ZNF609: variants seen among roughly 807,000 people sequenced by gnomAD.
The protein encoded by ZNF609 is zinc finger protein 609.
Under a neutral mutation model 109.5 loss-of-function variants are expected in ZNF609, and 11 were observed. The observed-to-expected ratio is 0.10, with a 90% CI of 0.06 to 0.17. The LOEUF is 0.17. ZNF609 is among the 10% of genes least tolerant of loss of function. The pLI, the probability that ZNF609 is intolerant of heterozygous loss-of-function variation, is 1.00. For missense variants in ZNF609, 1,559 were observed against 1,772.4 expected, an observed-to-expected ratio of 0.88 and a Z score of 2.16; for synonymous variants, 646 against 662.0, an observed-to-expected ratio of 0.98 and a Z score of 0.37.
Position 64,586,631 on chromosome 15 carries a change from G to A in ZNF609, c.748-36196G>A, listed in dbSNP as rs190254437. The stretch of plus-strand genomic sequence containing the variant: ...TCTGAGGTGGAACAGTTATAGCCCT[G>A]AACCATCCCCCGTCCCGCCAACCCC... On this transcript the variant is annotated intron_variant, in intron 2 of 9. Coordinates refer to ENST00000326648, the MANE Select transcript of ZNF609 (RefSeq NM_015042.2). Among the ~76,000 whole-genome samples the A allele has an allele frequency of 8.6e-4, 131 of 152,170 alleles. 1 individual carries two copies. The highest frequency in any genetic ancestry group is 3.0e-3 in the African/African-American group (123 of 41,534).
intron 1 of ZNF609, among the ~76,000 whole-genome samples, chr15:64,491,588 C>G (rs1201023076): frequency 1.1e-4 from 16 of 152,170 alleles, no homozygotes; most frequent in Non-Finnish European, 2.9e-5. Context: ...GTGGCTCACG[C>G]CTGTAATCCC....
intron 2 of ZNF609, among the ~76,000 whole-genome samples, chr15:64,599,096 T>C (rs992583030): frequency 1.3e-5 from 2 of 149,542 alleles, no homozygotes; most frequent in Non-Finnish European, 3.0e-5. Flanking sequence ...TTTCCCATAA[T>C]GTACTTCCAG....
intron 2 of ZNF609, among the ~76,000 whole-genome samples, chr15:64,535,652 TG>T (rs1894130953): frequency 6.6e-6 from 1 of 152,158 alleles, no homozygotes; most frequent in Non-Finnish European, 1.5e-5. Context: ...TGCCCAAGAG[TG>T]CAGTTGCTGG....
intron 3 of ZNF609, among the ~76,000 whole-genome samples, chr15:64,657,685 G>A (rs1482370133): frequency 6.6e-6 from 1 of 152,210 alleles, no homozygotes; most frequent in African/African-American, 2.4e-5. Context: ...GAGATAAAGG[G>A]TGGAGTTAGG....
chr15:64,587,859 C>T (rs907663007), intron 2 of ZNF609, among the ~76,000 whole-genome samples: 2 of 151,964 alleles, frequency 1.3e-5, no homozygotes, highest in East Asian at 3.9e-4. Context: ...AGCAGAGTCT[C>T]TAAAGAAGTT....
In ZNF609 at chr15:64,667,478, G is replaced by A. The variant is rs149282877; in HGVS notation, c.974-2868G>A. On this transcript the variant is annotated intron_variant, in intron 3 of 9. Coordinates refer to ENST00000326648, the MANE Select transcript of ZNF609 (RefSeq NM_015042.2). ...AATCCCAACACTTTGGGAGTCTGAGGTGGGCAGATCACCTGAGGTCGGGAG... is the reference window on the plus strand; with the variant it reads ...AATCCCAACACTTTGGGAGTCTGAGATGGGCAGATCACCTGAGGTCGGGAG... Among the ~76,000 whole-genome samples, 706 of 152,250 alleles carry A rather than the reference G, an allele frequency of 4.6e-3. 3 individuals carry two copies. Among genetic ancestry groups the A allele is most frequent in the Middle Eastern group, 0.017 (5 of 294 alleles).
At chr15:64,523,654 T>C (rs1359299579) in intron 2 of ZNF609, among the ~76,000 whole-genome samples, 1 of 151,864 alleles carries the variant, frequency 6.6e-6, no homozygotes, top group African/African-American at 2.4e-5. Context: ...TCCCAGCTAC[T>C]TGGGAAGCTG....
chr15:64,674,105 A>G lies in ZNF609; in HGVS notation c.1251A>G (p.Ser417=). Residue 417 remains serine (S), a synonymous_variant, in exon 5 of 10, where the codon TCA becomes TCG. Transcript: ENST00000326648. ...SKGRRGSQNS[S]EHRPPASSTS... is the part of the protein sequence containing the mutation. The stretch of plus-strand genomic sequence containing the variant: ...GCCGTCGGGGCAGCCAGAATTCTTC[A>G]GAGCACCGCCCACCTGCCAGCAGCA... The G allele has an allele frequency of 6.2e-7, 1 of 1,614,218 alleles. No homozygotes were observed. Among genetic ancestry groups the G allele is most frequent in the South Asian group, 1.1e-5 (1 of 91,080 alleles).
intron 2 of ZNF609, among the ~76,000 whole-genome samples, chr15:64,594,256 A>G (rs1184973264): frequency 2.0e-5 from 3 of 152,098 alleles, no homozygotes; most frequent in Non-Finnish European, 4.4e-5. Flanking sequence ...CTACATATGC[A>G]CTATGTTTTG....
rs11413947 is a variant in ZNF609 at position 64,510,205 on chromosome 15, CT to C, written c.747+10054del. On this transcript the variant is annotated intron_variant, in intron 2 of 9. Transcript: ENST00000326648. ...CAACACATTGTTATAATTTTTTTTT[CT>C]TTTTTTTTTTTTTTAACAGACAGGG... Among the ~76,000 whole-genome samples the C allele has an allele frequency of 1.4e-3, 191 of 137,876 alleles. 2 individuals are homozygous for C. Among genetic ancestry groups the C allele is most frequent in the African/African-American group, 2.6e-3 (95 of 36,622 alleles). 90.5% of individuals were successfully genotyped at this position (137,876 alleles called of 152,430 possible).
At chr15:64,622,780 A>C (rs1211804548) in intron 2 of ZNF609, 47 bp from the exon 3 acceptor site, 1 of 1,511,550 alleles carries the variant, frequency 6.6e-7, no homozygotes, top group Admixed American at 1.7e-5. Flanking sequence ...TATTTCCTCT[A>C]AATGTTCTCC....
At chr15:64,672,105 C>T (rs1295003599) in intron 4 of ZNF609, among the ~76,000 whole-genome samples, 7 of 149,540 alleles carry the variant, frequency 4.7e-5, no homozygotes, top group Non-Finnish European at 8.9e-5. Context: ...CTCCACCTCC[C>T]GGGTTCACGC....
At chr15:64,492,225 A>G (rs1893423696) in intron 1 of ZNF609, among the ~76,000 whole-genome samples, 1 of 152,198 alleles carries the variant, frequency 6.6e-6, no homozygotes, top group South Asian at 2.1e-4. Context: ...CCTGGGTGAC[A>G]GAGTGAGACT....
chr15:64,592,782 C>T (rs1039464397), intron 2 of ZNF609, among the ~76,000 whole-genome samples: 2 of 147,208 alleles, frequency 1.4e-5, no homozygotes, highest in Non-Finnish European at 3.0e-5. Flanking sequence ...AAAATTAGCC[C>T]GGCATCTGAA....
intron 3 of ZNF609, chr15:64,654,099 G>T (rs1283231875): frequency 6.6e-6 from 1 of 152,308 alleles, no homozygotes; most frequent in Admixed American, 6.5e-5. Context: ...GAGTGCAGTG[G>T]TGTGATCTGG....
intron 1 of ZNF609, among the ~76,000 whole-genome samples, chr15:64,478,715 A>G (rs995321386): frequency 6.6e-6 from 1 of 152,148 alleles, no homozygotes; most frequent in African/African-American, 2.4e-5. Context: ...GATCCATACT[A>G]AGGAAAAATC....
chr15:64,639,103 A>C (rs913671577), intron 3 of ZNF609, among the ~76,000 whole-genome samples: 3 of 152,130 alleles, frequency 2.0e-5, no homozygotes, highest in African/African-American at 4.8e-5. Flanking sequence ...TATTTAAAAA[A>C]TAAAATAAAT....
At chr15:64,617,993 A>G (rs559681427) in intron 2 of ZNF609, among the ~76,000 whole-genome samples, 142 of 152,320 alleles carry the variant, frequency 9.3e-4, no homozygotes, top group African/African-American at 3.2e-3. Context: ...TGGTGTAGTT[A>G]TTAAGGCATC....
In ZNF609 at chr15:64,575,836, C is replaced by T. The variant is rs7171090; in HGVS notation, c.748-46991C>T. On this transcript the variant is annotated intron_variant, in intron 2 of 9. Transcript: ENST00000326648. ...TGATATACTTGGCCGGGCAAGGTGG[C>T]TCACGCCTGTAATCCCAGCACTTTG... is the stretch of plus-strand genomic sequence containing the variant. Among the ~76,000 whole-genome samples the T allele has an allele frequency of 8.4e-3, 1,279 of 152,312 alleles. 18 individuals are homozygous for T. The highest frequency in any genetic ancestry group is 0.029 in the African/African-American group (1,225 of 41,572).
Sources: allele counts gnomAD v4.1 joint callset (sites outside exome capture counted in the v4.1 genomes callset), GRCh38; gene constraint gnomAD v4.1.1; transcripts MANE v1.5; gene names NCBI Gene and HGNC (gene_info 2026-07-23, HGNC 2026-07-21).